Variants in NALCN observed in about 807,000 individuals in gnomAD.
NALCN encodes sodium leak channel, non-selective, also known as sodium leak channel NALCN.
NALCN carries 111 observed loss-of-function variants against 225.3 expected under a neutral mutation model. That is an observed-to-expected ratio of 0.49 (90% CI 0.42 to 0.58). The LOEUF (loss-of-function observed/expected upper bound fraction) is 0.58. NALCN is among the 20% of genes least tolerant of loss of function. NALCN has a pLI of 0.00. For missense variants in NALCN, 1,378 were observed against 2,202.4 expected (o/e 0.63, Z 7.49); for synonymous variants, 764 against 769.0 (o/e 0.99, Z 0.11).
intron 15 of NALCN, among the ~76,000 whole-genome samples, chr13:101,146,398 T>C (rs903942918): frequency 6.6e-6 from 1 of 152,160 alleles, no homozygotes; most frequent in Non-Finnish European, 1.5e-5. Context: ...ATGGTTATGA[T>C]GATGACAATG....
chr13:101,221,826 C>T (rs12869164), intron 13 of NALCN, among the ~76,000 whole-genome samples: 25,458 of 152,074 alleles, frequency 0.17, 2,539 homozygotes, highest in East Asian at 0.36. Context: ...TCAACAAATC[C>T]CATTTCCTAA....
chr13:101,240,824 A>C (rs1566475825), intron 11 of NALCN, among the ~76,000 whole-genome samples: 1 of 152,172 alleles, frequency 6.6e-6, no homozygotes, highest in Non-Finnish European at 1.5e-5. Context: ...ATAACACAAA[A>C]GCTCCTGATG....
chr13:101,257,010 G>A (rs1451019177), intron 11 of NALCN, among the ~76,000 whole-genome samples: 3 of 152,088 alleles, frequency 2.0e-5, no homozygotes, highest in East Asian at 1.9e-4. Context: ...TGATCCACCC[G>A]CCTTGGCCTC....
chr13:101,191,615 A>G (rs2039684382), intron 14 of NALCN, among the ~76,000 whole-genome samples: 1 of 152,214 alleles, frequency 6.6e-6, no homozygotes, highest in Non-Finnish European at 1.5e-5. Context: ...TCCTGAGATC[A>G]TCTAGGTGTG....
chr13:101,071,202 A>C (rs2032860073), intron 37 of NALCN, among the ~76,000 whole-genome samples: 3 of 152,170 alleles, frequency 2.0e-5, no homozygotes, highest in African/African-American at 7.2e-5. Context: ...GGATTTTTGG[A>C]ATGGTAAATG....
intron 11 of NALCN, among the ~76,000 whole-genome samples, chr13:101,249,622 A>C (rs2042002729): frequency 6.6e-6 from 1 of 152,178 alleles, no homozygotes. Flanking sequence ...CTATTATTCT[A>C]ATATACTGCA....
At chr13:101,141,510 A>T (rs1032709414) in intron 17 of NALCN, among the ~76,000 whole-genome samples, 2 of 152,198 alleles carry the variant, frequency 1.3e-5, no homozygotes, top group Non-Finnish European at 2.9e-5. Context: ...ACATCCTGCA[A>T]AGAAAATCAT....
At chr13:101,330,303 G>A (rs533881411) in intron 7 of NALCN, among the ~76,000 whole-genome samples, 29 of 152,250 alleles carry the variant, frequency 1.9e-4, no homozygotes, top group Admixed American at 1.8e-3. Flanking sequence ...AGCAGCAGCT[G>A]AAGCCAAATG....
Position 101,057,907 on chromosome 13 carries a change from C to T in NALCN, c.5023+32G>A, listed in dbSNP as rs751566701. The T allele has an allele frequency of 6.5e-6, 10 of 1,542,756 alleles. No individual in the cohort carries two copies. In the Admixed American group the frequency reaches 1.0e-4, roughly 15 times the overall value. ...CAGAGTAAATACCTTTAAAATGCCTCGATCGCTGGAGAAATGCCTGGATGG... is the reference window on the plus strand; with the variant it reads ...CAGAGTAAATACCTTTAAAATGCCTTGATCGCTGGAGAAATGCCTGGATGG... On this transcript the variant is annotated intron_variant, in intron 43 of 43. Transcript: ENST00000251127.
chr13:101,416,683 G>A (rs746729086), upstream of NALCN, among the ~76,000 whole-genome samples: 1 of 152,254 alleles, frequency 6.6e-6, no homozygotes, highest in Non-Finnish European at 1.5e-5. Context: ...GGGAGCGCCA[G>A]GGTCGGTACT....
At chr13:101,365,070 G>A (rs1247831746) in intron 6 of NALCN, among the ~76,000 whole-genome samples, 1 of 151,998 alleles carries the variant, frequency 6.6e-6, no homozygotes. Flanking sequence ...TTAGATTCAG[G>A]GATACATGTG....
chr13:101,371,121 T>C (rs2046525870), intron 6 of NALCN, among the ~76,000 whole-genome samples: 1 of 152,234 alleles, frequency 6.6e-6, no homozygotes, highest in Non-Finnish European at 1.5e-5. Flanking sequence ...GTATTTATTA[T>C]ATGGATATAC....
chr13:101,305,301 G>A (rs760310178), intron 7 of NALCN, among the ~76,000 whole-genome samples: 22 of 152,130 alleles, frequency 1.4e-4, no homozygotes, highest in Non-Finnish European at 2.2e-4. Context: ...TTACTTATTG[G>A]TTGGAAGGAA....
chr13:101,151,166 A>C (rs1289698543), intron 15 of NALCN, among the ~76,000 whole-genome samples: 1 of 152,228 alleles, frequency 6.6e-6, no homozygotes, highest in Non-Finnish European at 1.5e-5. Context: ...ATATCATTAC[A>C]CATCGGGCGG....
intron 18 of NALCN, among the ~76,000 whole-genome samples, chr13:101,121,174 A>T (rs1403382754): frequency 6.6e-6 from 1 of 152,044 alleles, no homozygotes; most frequent in African/African-American, 2.4e-5. Flanking sequence ...GGGATTTAAC[A>T]CCAAGTCCAG....
At chr13:101,110,773 C>T in intron 19 of NALCN, 85 bp from the exon 20 acceptor site, 1 of 1,370,676 alleles carries the variant, frequency 7.3e-7, no homozygotes, top group Non-Finnish European at 1.0e-6. Context: ...CAAAATAAAA[C>T]ACTTTTTCTG....
At chr13:101,125,349 CATA>C (rs2036181404) in intron 17 of NALCN, among the ~76,000 whole-genome samples, 1 of 152,024 alleles carries the variant, frequency 6.6e-6, no homozygotes. Flanking sequence ...ACTATGTTCT[CATA>C]ATAATAAATA....
intron 11 of NALCN, 104 bp downstream of exon 11, chr13:101,258,339 T>A: frequency 6.8e-7 from 1 of 1,467,164 alleles, no homozygotes; most frequent in Non-Finnish European, 9.2e-7. Context: ...TTGGTGAAAG[T>A]CAAGTAATGA....
intron 7 of NALCN, among the ~76,000 whole-genome samples, chr13:101,342,328 C>G (rs987360292): frequency 2.2e-4 from 33 of 152,154 alleles, no homozygotes; most frequent in African/African-American, 7.0e-4. Flanking sequence ...CCCAGGTCAT[C>G]CTAAGTTATA....
Sources: gnomAD v4.1 joint callset for allele counts (sites outside exome capture counted in the v4.1 genomes callset) on GRCh38, gnomAD v4.1.1 for gene constraint, MANE v1.5 for transcripts, NCBI Gene and HGNC (gene_info 2026-07-23, HGNC 2026-07-21) for gene names.